The following CNTNAP2 variants were observed in gnomAD, a reference collection of about 807,000 sequenced individuals.
CNTNAP2 encodes the protein contactin associated protein 2.
A neutral mutation model predicts 155.2 loss-of-function variants in CNTNAP2; 98 were observed. The ratio of observed to expected loss-of-function variants is 0.63; its 90% CI spans 0.54 to 0.75. The LOEUF is 0.75. Ranked by LOEUF, CNTNAP2 falls within the 30% of genes least tolerant of loss-of-function variation. CNTNAP2 has a pLI of 0.00. For missense variants in CNTNAP2, 1,727 were observed against 1,688.1 expected (o/e 1.02, Z -0.40); for synonymous variants, 651 against 631.2 (o/e 1.03, Z -0.47).
At chr7:147,819,109 A>G (rs188601456) in intron 13 of CNTNAP2, among the ~76,000 whole-genome samples, 100 of 152,324 alleles carry the variant, frequency 6.6e-4, no homozygotes, top group Non-Finnish European at 4.4e-5. Flanking sequence ...TGGATAAAAG[A>G]AAGAGTAATT....
intron 2 of CNTNAP2, among the ~76,000 whole-genome samples, chr7:146,804,737 A>G (rs1263694943): frequency 1.3e-5 from 2 of 152,206 alleles, no homozygotes; most frequent in African/African-American, 4.8e-5. Context: ...AATTTTAGAA[A>G]GAGGTTTAAT....
intron 1 of CNTNAP2, among the ~76,000 whole-genome samples, chr7:146,525,447 G>A (rs1216646359): frequency 2.0e-5 from 3 of 151,996 alleles, no homozygotes; most frequent in African/African-American, 7.2e-5. Context: ...ATTGAGAAAA[G>A]GAAATGAGTG....
At chr7:147,265,918 C>A (rs1312463257) in intron 8 of CNTNAP2, among the ~76,000 whole-genome samples, 5 of 152,098 alleles carry the variant, frequency 3.3e-5, no homozygotes, top group African/African-American at 9.7e-5. Context: ...GAGGAGGGAC[C>A]TGACTATTGA....
intron 18 of CNTNAP2, among the ~76,000 whole-genome samples, chr7:148,191,401 C>T (rs752512434): frequency 6.6e-6 from 1 of 152,148 alleles, no homozygotes; most frequent in Non-Finnish European, 1.5e-5. Flanking sequence ...TCCCAGCTAG[C>T]TTCCAGAACC....
intron 3 of CNTNAP2, among the ~76,000 whole-genome samples, chr7:146,993,835 G>A (rs993790869): frequency 4.6e-5 from 7 of 151,960 alleles, no homozygotes; most frequent in Admixed American, 2.6e-4. Context: ...CTTGAGCATT[G>A]CAAATTAGTT....
chr7:146,877,160 A>G (rs1014929431), intron 3 of CNTNAP2, among the ~76,000 whole-genome samples: 2 of 152,154 alleles, frequency 1.3e-5, no homozygotes, highest in Non-Finnish European at 2.9e-5. Flanking sequence ...ACAAGAACAT[A>G]CAAGTTAATG....
intron 13 of CNTNAP2, among the ~76,000 whole-genome samples, chr7:147,746,323 T>A (rs1797042446): frequency 6.6e-6 from 1 of 152,104 alleles, no homozygotes; most frequent in Admixed American, 6.5e-5. Context: ...CAGGGGAGAA[T>A]CAAGCAGCAA....
At chr7:148,069,730 A>C (rs904892030) in intron 15 of CNTNAP2, among the ~76,000 whole-genome samples, 7 of 149,740 alleles carry the variant, frequency 4.7e-5, no homozygotes, top group African/African-American at 1.7e-4. Flanking sequence ...ACTGCACTCC[A>C]GCCTGGGTGA....
chr7:146,771,766 T>A (rs563188091), intron 1 of CNTNAP2, among the ~76,000 whole-genome samples: 1 of 152,188 alleles, frequency 6.6e-6, no homozygotes, highest in Non-Finnish European at 1.5e-5. Context: ...TCCAGTATCA[T>A]TGGGGACTTA....
intron 1 of CNTNAP2, among the ~76,000 whole-genome samples, chr7:146,560,223 A>C (rs562199911): frequency 6.6e-6 from 1 of 152,204 alleles, no homozygotes; most frequent in Admixed American, 6.5e-5. Flanking sequence ...AAGTGTGTTA[A>C]ATAAGTGTCC....
At chr7:147,160,898 G>A (rs1306678553) in intron 8 of CNTNAP2, among the ~76,000 whole-genome samples, 1 of 152,114 alleles carries the variant, frequency 6.6e-6, no homozygotes, top group Non-Finnish European at 1.5e-5. Flanking sequence ...TAGAGAGGCT[G>A]ATCCTAAAGA....
chr7:147,218,366 A>G (rs1219802027), intron 8 of CNTNAP2, among the ~76,000 whole-genome samples: 2 of 151,924 alleles, frequency 1.3e-5, no homozygotes, highest in South Asian at 2.1e-4. Context: ...AAATATGAAT[A>G]TTTCTCTTGA....
At chr7:146,888,832 G>A (rs1211916970) in intron 3 of CNTNAP2, among the ~76,000 whole-genome samples, 1 of 152,000 alleles carries the variant, frequency 6.6e-6, no homozygotes, top group Non-Finnish European at 1.5e-5. Flanking sequence ...GGTTGCCAGG[G>A]GATAAGGGGA....
intron 3 of CNTNAP2, among the ~76,000 whole-genome samples, chr7:147,023,146 TAAAAG>T (rs1325317632): frequency 6.6e-6 from 1 of 152,112 alleles, no homozygotes; most frequent in Non-Finnish European, 1.5e-5. Flanking sequence ...TTAGGGATAT[TAAAAG>T]AGGAAGAAGC....
At chr7:147,260,703 A>G (rs956839173) in intron 8 of CNTNAP2, among the ~76,000 whole-genome samples, 5 of 152,192 alleles carry the variant, frequency 3.3e-5, no homozygotes, top group Admixed American at 1.3e-4. Context: ...TGTTCTTTGA[A>G]AGCAGGTGCG....
intron 1 of CNTNAP2, among the ~76,000 whole-genome samples, chr7:146,622,939 A>AGAGC (rs1487255534): frequency 2.0e-5 from 3 of 150,848 alleles, no homozygotes; most frequent in Admixed American, 6.6e-5. Flanking sequence ...CCTGGACAAC[A>AGAGC]GAGCGAGACT....
chr7:147,211,199 G>C (rs77373095), intron 8 of CNTNAP2, among the ~76,000 whole-genome samples: 10,683 of 151,910 alleles, frequency 0.07, 403 homozygotes, highest in Non-Finnish European at 0.089. Context: ...TTTATTCCCT[G>C]ATGATCTGTC....
At chr7:146,249,175 G>T (rs989747246) in intron 1 of CNTNAP2, among the ~76,000 whole-genome samples, 3 of 152,150 alleles carry the variant, frequency 2.0e-5, no homozygotes, top group Non-Finnish European at 4.4e-5. Context: ...GGATGTGTAC[G>T]TGCAGGTCAC....
chr7:148,243,193 C>T (rs1796190225), intron 20 of CNTNAP2, among the ~76,000 whole-genome samples: 1 of 152,174 alleles, frequency 6.6e-6, no homozygotes, highest in Non-Finnish European at 1.5e-5. Context: ...CAGCCCACTC[C>T]ACCGATCTGA....
Sources: allele counts gnomAD v4.1 joint callset (sites outside exome capture counted in the v4.1 genomes callset), GRCh38; gene constraint gnomAD v4.1.1; transcripts MANE v1.5; gene names NCBI Gene and HGNC (gene_info 2026-07-23, HGNC 2026-07-21).